The following PELI2 variants were observed in gnomAD, a reference collection of about 807,000 sequenced individuals.
The protein encoded by PELI2 is pellino E3 ubiquitin protein ligase family member 2, also known as E3 ubiquitin-protein ligase pellino homolog 2.
In PELI2, 23 loss-of-function variants were observed where a neutral mutation model predicts 42.3. The observed-to-expected ratio is 0.54, with a 90% CI of 0.39 to 0.77. The LOEUF (loss-of-function observed/expected upper bound fraction) is 0.77, where lower values mean the gene tolerates loss of function less well. Ranked by LOEUF, PELI2 falls within the 30% of genes least tolerant of loss-of-function variation. The pLI is 0.00. For missense variants in PELI2, 463 were observed against 553.2 expected (o/e 0.84, Z 1.64); for synonymous variants, 245 against 212.2 (o/e 1.15, Z -1.34).
chr14:56,292,354 C>A (rs1472137115), intron 5 of PELI2, among the ~76,000 whole-genome samples: 7 of 152,182 alleles, frequency 4.6e-5, no homozygotes, highest in Non-Finnish European at 1.0e-4. Context: ...CTCTTGTTAA[C>A]CTCTGGAGAA....
chr14:56,189,564 G>A (rs534246534), intron 2 of PELI2, among the ~76,000 whole-genome samples: 1 of 152,304 alleles, frequency 6.6e-6, no homozygotes, highest in East Asian at 1.9e-4. Flanking sequence ...CACCTGGAAC[G>A]CATCATATGC....
At chr14:56,236,253 C>T (rs1887790201) in intron 2 of PELI2, among the ~76,000 whole-genome samples, 1 of 152,114 alleles carries the variant, frequency 6.6e-6, no homozygotes, top group African/African-American at 2.4e-5. Flanking sequence ...TATACTGGTA[C>T]CCACATAGCG....
chr14:56,178,338 C>T lies in PELI2; in HGVS notation c.81C>T (p.Tyr27=). 1 of 1,613,978 alleles carries T rather than the reference C, an allele frequency of 6.2e-7. No individual in the cohort carries two copies. Among genetic ancestry groups the T allele is most frequent in the South Asian group, 1.1e-5 (1 of 91,080 alleles). Residue 27 remains tyrosine, a synonymous_variant, in exon 2 of 6, where the codon TAC becomes TAT. Coordinates refer to ENST00000267460, the MANE Select transcript of PELI2 (RefSeq NM_021255.3). ...ACTCTTTCCTCTCTGTTTCTAGGTACAATGGTGCTTTACCCAATGGAGATA... is the reference window on the plus strand; with the variant it reads ...ACTCTTTCCTCTCTGTTTCTAGGTATAATGGTGCTTTACCCAATGGAGATA... ...VKYGELVVLG[Y]NGALPNGDRG...
intron 5 of PELI2, among the ~76,000 whole-genome samples, chr14:56,295,487 C>T (rs1418397818): frequency 6.6e-6 from 1 of 152,182 alleles, no homozygotes; most frequent in Non-Finnish European, 1.5e-5. Flanking sequence ...TGCTATCCTC[C>T]CTACTGAGGC....
At chr14:56,281,328 C>T (rs185424315) in intron 3 of PELI2, among the ~76,000 whole-genome samples, 106 of 152,160 alleles carry the variant, frequency 7.0e-4, no homozygotes, top group African/African-American at 2.5e-3. Flanking sequence ...AAATACCATG[C>T]AGCCATTACA....
At chr14:56,211,835 T>C (rs1242932536) in intron 2 of PELI2, among the ~76,000 whole-genome samples, 2 of 152,042 alleles carry the variant, frequency 1.3e-5, no homozygotes, top group African/African-American at 4.8e-5. Context: ...ATCTAGGCAA[T>C]CCATCTCTTC....
At chr14:56,247,426 G>T (rs1419399141) in intron 2 of PELI2, among the ~76,000 whole-genome samples, 2 of 152,194 alleles carry the variant, frequency 1.3e-5, no homozygotes, top group African/African-American at 4.8e-5. Flanking sequence ...GCAGGGGACT[G>T]CTTGAGCATA....
chr14:56,175,068 T>C (rs1016409411), intron 1 of PELI2, among the ~76,000 whole-genome samples: 1 of 152,178 alleles, frequency 6.6e-6, no homozygotes, highest in Non-Finnish European at 1.5e-5. Flanking sequence ...TGATCTTGGC[T>C]CACTGTAGTC....
At chr14:56,277,994 T>G (rs1889350955) in intron 2 of PELI2, among the ~76,000 whole-genome samples, 1 of 152,194 alleles carries the variant, frequency 6.6e-6, no homozygotes, top group African/African-American at 2.4e-5. Flanking sequence ...GTTAACTCCT[T>G]GTTTTGCAGA....
In PELI2 at chr14:56,223,983, C is replaced by CT. The variant is rs1163172992; in HGVS notation, c.207+45520dup. Among the ~76,000 whole-genome samples the CT allele has an allele frequency of 2.6e-5, 4 of 152,068 alleles. No individual in the cohort carries two copies. The East Asian group carries it at 7.7e-4, about 29-fold the overall frequency. On this transcript the variant is annotated intron_variant, in intron 2 of 5. Coordinates refer to ENST00000267460, the MANE Select transcript of PELI2 (RefSeq NM_021255.3). ...GATCGATGTACTTTAGAGTGTATTT[C>CT]TGAGAGCAAATGACTTCATAGTCTA...
At chr14:56,267,841 G>A (rs370728202) in intron 2 of PELI2, among the ~76,000 whole-genome samples, 65 of 152,172 alleles carry the variant, frequency 4.3e-4, no homozygotes, top group Admixed American at 1.4e-3. Flanking sequence ...CTAATCAATA[G>A]GATGTTGTAT....
At chr14:56,183,839 A>G (rs1243463556) in intron 2 of PELI2, among the ~76,000 whole-genome samples, 1 of 152,194 alleles carries the variant, frequency 6.6e-6, no homozygotes, top group African/African-American at 2.4e-5. Flanking sequence ...AGAAATACTT[A>G]CATGAAAACC....
At chr14:56,181,862 GTGTGTGTGTGTT>G (rs944612996) in intron 2 of PELI2, among the ~76,000 whole-genome samples, 8 of 141,506 alleles carry the variant, frequency 5.7e-5, no homozygotes, top group East Asian at 1.9e-4. Flanking sequence ...GTGTGTGTGT[GTGTGTGTGTGTT>G]TTTAAATTAA....
In PELI2 at chr14:56,181,860, G is replaced by A. The variant is rs893554590; in HGVS notation, c.207+3396G>A. Among the ~76,000 whole-genome samples the A allele has an allele frequency of 6.6e-5, 10 of 152,162 alleles. No homozygotes were observed. In the East Asian group the frequency reaches 1.9e-3, roughly 29 times the overall value. On this transcript the variant is annotated intron_variant, in intron 2 of 5. Coordinates refer to ENST00000267460, the MANE Select transcript of PELI2 (RefSeq NM_021255.3). ...ATGTAATGTGTGTGTGTGTGTGTGT[G>A]TGTGTGTGTGTGTTTTTAAATTAAA...
intron 2 of PELI2, among the ~76,000 whole-genome samples, chr14:56,221,130 G>A (rs1337447322): frequency 6.6e-6 from 1 of 152,152 alleles, no homozygotes; most frequent in Non-Finnish European, 1.5e-5. Context: ...TGCACCAGAG[G>A]CTGTAATACC....
At chr14:56,143,987 A>G (rs1884014392) in intron 1 of PELI2, among the ~76,000 whole-genome samples, 1 of 152,202 alleles carries the variant, frequency 6.6e-6, no homozygotes. Context: ...AGAGCTAGGA[A>G]AAACATGCAT....
chr14:56,267,794 A>G (rs1021353939), intron 2 of PELI2, among the ~76,000 whole-genome samples: 1 of 152,180 alleles, frequency 6.6e-6, no homozygotes, highest in Non-Finnish European at 1.5e-5. Flanking sequence ...TTTTGTTTAC[A>G]TCTTTTAAAT....
intron 1 of PELI2, among the ~76,000 whole-genome samples, chr14:56,132,286 C>G (rs1041665496): frequency 6.6e-6 from 1 of 152,232 alleles, no homozygotes; most frequent in Non-Finnish European, 1.5e-5. Flanking sequence ...TTCCACTTCT[C>G]AAAGCCTGTG....
intron 1 of PELI2, among the ~76,000 whole-genome samples, chr14:56,153,802 T>G (rs1215735161): frequency 1.3e-5 from 2 of 152,198 alleles, no homozygotes. Context: ...AGTTCTTTTC[T>G]TGTGCTAGAG....
Sources: allele counts gnomAD v4.1 joint callset (sites outside exome capture counted in the v4.1 genomes callset), GRCh38; gene constraint gnomAD v4.1.1; transcripts MANE v1.5; gene names NCBI Gene and HGNC (gene_info 2026-07-23, HGNC 2026-07-21).